Variants in BDKRB2 observed in about 807,000 individuals in gnomAD.
BDKRB2 encodes the protein bradykinin receptor B2.
BDKRB2 carries 6 observed loss-of-function variants against 4.0 expected under a neutral mutation model. That is an observed-to-expected ratio of 1.49 (90% CI 0.81 to 2.93). BDKRB2 has a LOEUF of 2.93. BDKRB2 is among the 30% of genes most tolerant of loss of function. The pLI is 0.00. For synonymous variants in BDKRB2, 225 were observed against 215.3 expected, an observed-to-expected ratio of 1.05 and a Z score of -0.40; for missense variants, 478 against 520.1, an observed-to-expected ratio of 0.92 and a Z score of 0.79.
intron 1 of BDKRB2, among the ~76,000 whole-genome samples, chr14:96,225,758 C>CTGTG (rs2139783231): frequency 6.6e-6 from 1 of 152,328 alleles, no homozygotes; most frequent in South Asian, 2.1e-4. Flanking sequence ...TTCTCTGTGA[C>CTGTG]CTACCAGTTA....
At chr14:96,238,804 G>C (rs1259925469) in intron 2 of BDKRB2, 22 of 985,734 alleles carry the variant, frequency 2.2e-5, no homozygotes, top group Non-Finnish European at 2.6e-5. Flanking sequence ...CTCCAAGTCT[G>C]TGTCCCACAA....
At chr14:96,226,124 G>A (rs943719137) in intron 1 of BDKRB2, among the ~76,000 whole-genome samples, 2 of 152,196 alleles carry the variant, frequency 1.3e-5, no homozygotes, top group African/African-American at 4.8e-5. Context: ...TCTCTGGTGA[G>A]GGTTTCTATT....
chr14:96,240,797 C>A lies in BDKRB2; in HGVS notation c.469C>A (p.Leu157Met). The change falls in exon 3 of 3, where the codon CTG (leucine) becomes ATG (methionine). Residue 157 changes from leucine (L) to methionine (M), a missense_variant. By Grantham distance (15) the Leu-to-Met change is conservative. Transcript: ENST00000554311. The part of the protein sequence containing the change: ...FLMLVSIDRY[L>M]ALVKTMSMGR... ...GATGCTGGTGAGCATCGACCGCTAC[C>A]TGGCCCTGGTGAAAACCATGTCCAT... is the stretch of plus-strand genomic sequence containing the variant. The A allele has an allele frequency of 6.4e-7, 1 of 1,554,272 alleles. No homozygotes were observed. The highest frequency in any genetic ancestry group is 8.7e-7 in the Non-Finnish European group (1 of 1,151,382).
In BDKRB2 at chr14:96,241,530, A is replaced by T. The variant is rs201953516; in HGVS notation, c.*26A>T. On this transcript the variant is annotated 3_prime_UTR_variant, in exon 3 of 3. Coordinates refer to ENST00000554311, the MANE Select transcript of BDKRB2 (RefSeq NM_001379692.1). ...GCAAACGCCAGCAGGGCTGCTGTGA[A>T]TTTGTGTAAGGATTGAGGGACAGTT... The T allele has an allele frequency of 2.0e-6, 3 of 1,508,510 alleles. No individual in the cohort carries two copies. The highest frequency in any genetic ancestry group is 2.6e-6 in the Non-Finnish European group (3 of 1,136,318). 93.4% of individuals were successfully genotyped at this position (1,508,510 alleles called of 1,614,324 possible).
chr14:96,230,587 G>T (rs946670872), intron 1 of BDKRB2, among the ~76,000 whole-genome samples: 1 of 145,638 alleles, frequency 6.9e-6, no homozygotes, highest in Non-Finnish European at 1.5e-5. Flanking sequence ...TAGAGACGGG[G>T]CTTAATATTA....
At chr14:96,232,042 C>T (rs1355183227) in intron 1 of BDKRB2, among the ~76,000 whole-genome samples, 1 of 152,192 alleles carries the variant, frequency 6.6e-6, no homozygotes, top group Non-Finnish European at 1.5e-5. Flanking sequence ...CTGGAAACCT[C>T]AGCTGGCCTG....
intron 1 of BDKRB2, among the ~76,000 whole-genome samples, chr14:96,225,477 C>T (rs752395117): frequency 5.5e-4 from 83 of 152,020 alleles, no homozygotes; most frequent in Admixed American, 2.1e-3. Flanking sequence ...TGGCCCTGCC[C>T]ACCATGTGTG....
Position 96,241,314 on chromosome 14 carries a change from C to G in BDKRB2, c.986C>G (p.Pro329Arg), listed in dbSNP as rs776780847. ...GCCTACAGCAACAGCTGCCTCAACC[C>G]ACTGGTGTACGTGATCGTGGGCAAG... ...FMAYSNSCLN[P>R]LVYVIVGKRF... Residue 329 changes from proline (P) to arginine (R), a missense_variant, in exon 3 of 3, where the codon CCA becomes CGA. By Grantham distance (103) the Pro-to-Arg change is moderately radical. Transcript: ENST00000554311. 1.2e-6 allele frequency: 2 copies of G among 1,614,014 alleles called. No homozygotes were observed. The highest frequency in any genetic ancestry group is 1.7e-6 in the Non-Finnish European group (2 of 1,179,944).
rs146029180 is a variant in BDKRB2 at position 96,225,863 on chromosome 14, C to G, written c.-39-11206C>G. On this transcript the variant is annotated intron_variant, in intron 1 of 2. Coordinates refer to ENST00000554311, the MANE Select transcript of BDKRB2 (RefSeq NM_001379692.1). Reference sequence around the variant, plus strand: ...CCCAGGTTTGCACGTGGTGGAGGAGCAGGGCCAGTAACTGGTTAGGCAGAG... The same window carrying G: ...CCCAGGTTTGCACGTGGTGGAGGAGGAGGGCCAGTAACTGGTTAGGCAGAG... Among the ~76,000 whole-genome samples the G allele has an allele frequency of 2.2e-3, 337 of 152,276 alleles. 1 individual carries two copies. The highest frequency in any genetic ancestry group is 7.7e-3 in the African/African-American group (319 of 41,562).
At chr14:96,236,408 T>C (rs2139795456) in intron 1 of BDKRB2, among the ~76,000 whole-genome samples, 1 of 152,116 alleles carries the variant, frequency 6.6e-6, no homozygotes, top group East Asian at 1.9e-4. Context: ...TCTAAACACA[T>C]GACCTTTCTC....
intron 1 of BDKRB2, among the ~76,000 whole-genome samples, chr14:96,219,239 A>G (rs1289602666): frequency 6.6e-6 from 1 of 150,950 alleles, no homozygotes; most frequent in South Asian, 2.1e-4. Flanking sequence ...GAGGCGGAAG[A>G]TGCAGTGAGC....
At chr14:96,232,749 C>T (rs1354110585) in intron 1 of BDKRB2, among the ~76,000 whole-genome samples, 1 of 152,180 alleles carries the variant, frequency 6.6e-6, no homozygotes, top group Non-Finnish European at 1.5e-5. Flanking sequence ...TTGGCCTAAT[C>T]AGGAGGAACG....
Position 96,223,528 on chromosome 14 carries a change from A to T in BDKRB2, c.-39-13541A>T, listed in dbSNP as rs990379998. 2.3e-4 allele frequency among the ~76,000 whole-genome samples: 35 copies of T among 152,162 alleles called. 1 individual carries two copies. Among genetic ancestry groups the T allele is most frequent in the African/African-American group, 8.5e-4 (35 of 41,388 alleles). ...TCTTGAGTAGAGCCACCACCACCAT[A>T]GCCCAGCCAGATGAGTGCTCTGTGG... is the stretch of plus-strand genomic sequence containing the variant. On this transcript the variant is annotated intron_variant, in intron 1 of 2. Coordinates refer to ENST00000554311, the MANE Select transcript of BDKRB2 (RefSeq NM_001379692.1).
chr14:96,225,269 AGGCATTTACCCAAG>A (rs1217886760), intron 1 of BDKRB2, among the ~76,000 whole-genome samples: 1 of 152,118 alleles, frequency 6.6e-6, no homozygotes, highest in African/African-American at 2.4e-5. Context: ...AGAGATGCCG[AGGCATTTACCCAAG>A]GGCACACCTG....
rs552780269 is a variant in BDKRB2 at position 96,240,080 on chromosome 14, A to G, written c.75-323A>G. 5.2e-5 allele frequency: 56 copies of G among 1,071,444 alleles called. No individual in the cohort carries two copies. In the African/African-American group the frequency reaches 7.8e-4, roughly 15 times the overall value. The allele number at this position is 1,071,444 out of a possible 1,614,324, so 66.4% of individuals were successfully genotyped here. On this transcript the variant is annotated intron_variant, in intron 2 of 2. Coordinates refer to ENST00000554311, the MANE Select transcript of BDKRB2 (RefSeq NM_001379692.1). The stretch of plus-strand genomic sequence containing the variant: ...ATAAGGAAGGAATGTGAATCCTCCC[A>G]TCACGGAAGCTTCAAGGAGGTCAAG...
intron 1 of BDKRB2, among the ~76,000 whole-genome samples, chr14:96,205,340 T>C (rs982114643): frequency 1.3e-5 from 2 of 152,048 alleles, no homozygotes; most frequent in African/African-American, 4.8e-5. Context: ...CTCCAGAACC[T>C]GGCTTTTCAC....
At chr14:96,237,808 T>C (rs1373145675) in intron 2 of BDKRB2, 6 of 1,289,810 alleles carry the variant, frequency 4.7e-6, no homozygotes, top group East Asian at 5.6e-5. Flanking sequence ...TCAGCAGGCA[T>C]CTTTCTGATG....
chr14:96,227,616 CAA>C (rs1566692362), intron 1 of BDKRB2, among the ~76,000 whole-genome samples: 2 of 152,078 alleles, frequency 1.3e-5, no homozygotes, highest in Non-Finnish European at 2.9e-5. Context: ...CATGCACACA[CAA>C]ACACACACAC....
At chr14:96,231,897 T>G (rs1476226692) in intron 1 of BDKRB2, among the ~76,000 whole-genome samples, 1 of 152,016 alleles carries the variant, frequency 6.6e-6, no homozygotes. Flanking sequence ...AGATAGGAGA[T>G]GCAGAGGGAG....
Sources: gnomAD v4.1 joint callset for allele counts (sites outside exome capture counted in the v4.1 genomes callset) on GRCh38, gnomAD v4.1.1 for gene constraint, MANE v1.5 for transcripts, NCBI Gene and HGNC (gene_info 2026-07-23, HGNC 2026-07-21) for gene names.